CRY1: variants seen among roughly 807,000 people sequenced by gnomAD.
The protein encoded by CRY1 is cryptochrome-1.
CRY1 carries 45 observed loss-of-function variants against 76.0 expected under a neutral mutation model. The ratio of observed to expected loss-of-function variants is 0.59; its 90% CI spans 0.47 to 0.76. The LOEUF (loss-of-function observed/expected upper bound fraction) is 0.76. Among genes scored for constraint, CRY1 ranks in the 30% least tolerant of loss-of-function variants. CRY1 has a pLI of 0.00. For synonymous variants in CRY1, 248 were observed against 244.0 expected (o/e 1.02, Z -0.15); for missense variants, 587 against 716.4 (o/e 0.82, Z 2.06).
intron 1 of CRY1, among the ~76,000 whole-genome samples, chr12:107,069,450 A>G (rs777015467): frequency 6.7e-6 from 1 of 149,286 alleles, no homozygotes; most frequent in Non-Finnish European, 1.5e-5. Flanking sequence ...GTGGTATTGC[A>G]CTGTGGTTTT....
chr12:107,058,645 T>C (rs2136881845), intron 1 of CRY1, among the ~76,000 whole-genome samples: 1 of 152,350 alleles, frequency 6.6e-6, no homozygotes, highest in South Asian at 2.1e-4. Flanking sequence ...ATAACCTCTT[T>C]TCACTTTCTG....
Position 107,093,276 on chromosome 12 carries a change from T to G in CRY1, c.-315A>C. ...CTCGGACCTCCGGAGCCTGAGCAAG[T>G]TCCAGGAGCTCGAGCCGCCACGACG... On this transcript the variant is annotated 5_prime_UTR_variant, in exon 1 of 13. Coordinates refer to ENST00000008527, the MANE Select transcript of CRY1 (RefSeq NM_004075.5). The G allele has an allele frequency of 6.9e-6, 2 of 290,514 alleles. No homozygotes were observed. Among genetic ancestry groups the G allele is most frequent in the Non-Finnish European group, 1.3e-5 (2 of 156,906 alleles). 18.0% of individuals were successfully genotyped at this position (290,514 alleles called of 1,614,324 possible). A position where few individuals can be genotyped will look rare whatever the true frequency, so the allele number is the denominator to read the frequency against.
At chr12:107,082,805 A>T (rs536678330) in intron 1 of CRY1, among the ~76,000 whole-genome samples, 34 of 152,328 alleles carry the variant, frequency 2.2e-4, no homozygotes, top group Non-Finnish European at 2.8e-4. Flanking sequence ...AAAAGCAAAC[A>T]AATTCAAAAG....
At chr12:107,072,549 T>C (rs1353285028) in intron 1 of CRY1, among the ~76,000 whole-genome samples, 3 of 152,208 alleles carry the variant, frequency 2.0e-5, no homozygotes, top group Non-Finnish European at 4.4e-5. Context: ...ATGTTATTTA[T>C]ACTGTTGGGG....
chr12:106,997,216 TAGTG>T (rs1952242514), intron 10 of CRY1, 74 bp downstream of exon 10: 14 of 1,247,012 alleles, frequency 1.1e-5, no homozygotes, highest in Non-Finnish European at 1.5e-5. Context: ...TAAAATATGT[TAGTG>T]AGGATCAATA....
chr12:107,064,182 T>G (rs951228222), intron 1 of CRY1, among the ~76,000 whole-genome samples: 1 of 152,256 alleles, frequency 6.6e-6, no homozygotes, highest in Admixed American at 6.5e-5. Flanking sequence ...TGTGAATGCA[T>G]GTAGAGACAC....
chr12:107,085,373 T>A (rs1252092013), intron 1 of CRY1, among the ~76,000 whole-genome samples: 1 of 152,214 alleles, frequency 6.6e-6, no homozygotes, highest in Non-Finnish European at 1.5e-5. Context: ...TGTATGTTTA[T>A]TGTGGCACTG....
intron 1 of CRY1, among the ~76,000 whole-genome samples, chr12:107,044,412 G>A (rs1565834987): frequency 6.6e-6 from 1 of 152,184 alleles, no homozygotes; most frequent in Non-Finnish European, 1.5e-5. Context: ...TATTGCTGAT[G>A]TTCAATGCAG....
intron 1 of CRY1, among the ~76,000 whole-genome samples, chr12:107,058,349 A>G (rs1021590765): frequency 6.6e-6 from 1 of 152,156 alleles, no homozygotes; most frequent in African/African-American, 2.4e-5. Context: ...TACAAACCTA[A>G]AGAGAGAACA....
chr12:107,073,341 C>T (rs1953214905), intron 1 of CRY1, among the ~76,000 whole-genome samples: 2 of 152,006 alleles, frequency 1.3e-5, no homozygotes, highest in East Asian at 3.9e-4. Flanking sequence ...TCAACTGATC[C>T]TCTTGCCTCA....
intron 1 of CRY1, among the ~76,000 whole-genome samples, chr12:107,044,700 G>T (rs1396830170): frequency 6.6e-6 from 1 of 152,140 alleles, no homozygotes; most frequent in South Asian, 2.1e-4. Context: ...AAACAAAAAC[G>T]CTGTAGCTGA....
intron 1 of CRY1, among the ~76,000 whole-genome samples, chr12:107,076,573 C>A (rs917293208): frequency 1.3e-4 from 20 of 150,992 alleles, no homozygotes; most frequent in Non-Finnish European, 7.4e-5. Context: ...TGAAATCATG[C>A]CACTACACTC....
intron 1 of CRY1, among the ~76,000 whole-genome samples, chr12:107,026,779 T>G (rs1054420278): frequency 1.3e-4 from 19 of 151,572 alleles, no homozygotes; most frequent in Non-Finnish European, 1.5e-5. Context: ...GTTTTTTTTT[T>G]TTTTTTTTTT....
At chr12:107,057,394 G>C (rs1593529504) in intron 1 of CRY1, among the ~76,000 whole-genome samples, 1 of 152,134 alleles carries the variant, frequency 6.6e-6, no homozygotes, top group Non-Finnish European at 1.5e-5. Flanking sequence ...TAAAAAGAAA[G>C]CCCTGCCTAC....
rs2136845292 is a variant in CRY1 at position 107,022,305 on chromosome 12, A to G, written c.159-113T>C. The G allele has an allele frequency of 1.2e-5, 6 of 520,298 alleles. No homozygotes were observed. In the South Asian group the frequency reaches 2.2e-4, roughly 19 times the overall value. 32.2% of individuals were successfully genotyped at this position (520,298 alleles called of 1,614,324 possible). On this transcript the variant is annotated intron_variant, in intron 1 of 12. Coordinates refer to ENST00000008527, the MANE Select transcript of CRY1 (RefSeq NM_004075.5). ...TGAAATGCCAACCTATCATCTTATT[A>G]CCTCCTATTGATATATACTTTTTCC...
Position 106,997,672 on chromosome 12 carries a change from T to C in CRY1, c.1308A>G (p.Leu436=). ...GDYIRRYLPV[L]RGFPAKYIYD... is the part of the protein sequence containing the mutation. ...AGATATATTTTGCAGGGAAGCCTCT[T>C]AGGACAGGCAAATAACGCCTTTGGG... Residue 436 remains leucine (L), a synonymous_variant, in exon 9 of 13, where the codon CTA becomes CTG. Coordinates refer to ENST00000008527, the MANE Select transcript of CRY1 (RefSeq NM_004075.5). 6.2e-7 allele frequency: 1 copy of C among 1,614,010 alleles called. No individual in the cohort carries two copies.
intron 1 of CRY1, among the ~76,000 whole-genome samples, chr12:107,065,013 T>C (rs1231163039): frequency 2.0e-5 from 3 of 152,076 alleles, no homozygotes; most frequent in Non-Finnish European, 4.4e-5. Flanking sequence ...GGAGTAAAAA[T>C]GGGCTGGGCA....
chr12:106,999,837 AG>A lies in CRY1; in HGVS notation c.850del (p.Leu284PhefsTer44). On this transcript the variant is annotated frameshift_variant, in exon 7 of 13. Transcript: ENST00000008527. LOFTEE classifies it high-confidence loss of function. ...CCATAACAGTTGCCCATAAAGGGAA[AG>A]GGGAGGGGAACTGTTCTTCTTTACC... is the stretch of plus-strand genomic sequence containing the variant. ...KKVKKNSSPP[L>X]SLYGQLLWRE... is the part of the protein sequence containing the mutation. The A allele has an allele frequency of 6.2e-7, 1 of 1,613,102 alleles. No homozygotes were observed. Among genetic ancestry groups the A allele is most frequent in the Non-Finnish European group, 8.5e-7 (1 of 1,179,636 alleles).
chr12:107,074,151 A>AC (rs529333907), intron 1 of CRY1, among the ~76,000 whole-genome samples: 3 of 152,134 alleles, frequency 2.0e-5, no homozygotes, highest in African/African-American at 7.2e-5. Context: ...TTCCCACATT[A>AC]CCCCAAATTA....
Sources: allele counts gnomAD v4.1 joint callset (sites outside exome capture counted in the v4.1 genomes callset), GRCh38; gene constraint gnomAD v4.1.1; transcripts MANE v1.5; gene names NCBI Gene and HGNC (gene_info 2026-07-23, HGNC 2026-07-21).